Variants in RELN observed in about 807,000 individuals in gnomAD.
RELN encodes the protein reelin.
Under a neutral mutation model 427.6 loss-of-function variants are expected in RELN, and 108 were observed. The observed-to-expected ratio is 0.25, with a 90% CI of 0.22 to 0.30. The LOEUF (loss-of-function observed/expected upper bound fraction) is 0.30, where lower values mean the gene tolerates loss of function less well. Among genes scored for constraint, RELN ranks in the 10% least tolerant of loss-of-function variants. The probability of loss-of-function intolerance (pLI) is 1.00; values close to 1 mark genes in which losing one functional copy is unlikely to be tolerated. For missense variants in RELN, 3,715 were observed against 4,302.8 expected, an observed-to-expected ratio of 0.86 and a Z score of 3.82; for synonymous variants, 1,524 against 1,513.4, an observed-to-expected ratio of 1.01 and a Z score of -0.16.
At chr7:103,729,412 A>G (rs1296946673) in intron 6 of RELN, among the ~76,000 whole-genome samples, 1 of 152,212 alleles carries the variant, frequency 6.6e-6, no homozygotes, top group Non-Finnish European at 1.5e-5. Flanking sequence ...CAAAGAAATG[A>G]AAGTACTTCC....
At chr7:103,810,052 AC>A (rs1396189342) in intron 3 of RELN, among the ~76,000 whole-genome samples, 1 of 152,212 alleles carries the variant, frequency 6.6e-6, no homozygotes, top group African/African-American at 2.4e-5. Context: ...GAAAATCTCT[AC>A]TTTTAATAAA....
intron 2 of RELN, among the ~76,000 whole-genome samples, chr7:103,855,658 T>C (rs897362859): frequency 3.3e-5 from 5 of 152,210 alleles, no homozygotes; most frequent in African/African-American, 1.2e-4. Flanking sequence ...GTCTCACAGT[T>C]CTGGAGTCTA....
intron 3 of RELN, among the ~76,000 whole-genome samples, chr7:103,796,974 C>T (rs1304770455): frequency 6.6e-6 from 1 of 151,564 alleles, no homozygotes; most frequent in Non-Finnish European, 1.5e-5. Context: ...TGTGGTAAGA[C>T]CTGCCTGCCT....
In RELN at chr7:103,522,103, C is replaced by G. The variant is rs781330377; in HGVS notation, c.7587G>C (p.Gln2529His). The G allele has an allele frequency of 9.3e-6, 15 of 1,614,004 alleles. No homozygotes were observed. The highest frequency in any genetic ancestry group is 1.2e-5 in the Non-Finnish European group (14 of 1,180,028). The change falls in exon 48 of 65, where the codon CAG (glutamine) becomes CAC (histidine). Residue 2529 changes from glutamine (Q) to histidine (H), a missense_variant. By Grantham distance (24) the Gln-to-His change is conservative. This residue lies in a region of RELN where 1,310 missense variants were observed against 1,643.0 expected (regional missense o/e 0.80). Transcript: ENST00000428762. ...KDNFNRAPSS[Q>H]NWLTVNGGKL... ...TCCCTCCGTTCACAGTCAGCCAGTT[C>G]TGACTGGATGGAGCTCGATTGAAGT...
At chr7:103,684,861 G>C (rs1190411403) in intron 10 of RELN, among the ~76,000 whole-genome samples, 2 of 152,046 alleles carry the variant, frequency 1.3e-5, no homozygotes, top group Non-Finnish European at 2.9e-5. Context: ...GCCTAGCAAA[G>C]GTGATGGAAA....
chr7:103,790,877 G>A (rs1051627693), intron 3 of RELN, among the ~76,000 whole-genome samples: 9 of 152,034 alleles, frequency 5.9e-5, no homozygotes, highest in East Asian at 5.8e-4. Context: ...CAGAAGAATC[G>A]CTTGAATCTG....
intron 3 of RELN, among the ~76,000 whole-genome samples, chr7:103,829,826 G>A (rs1032723063): frequency 2.0e-5 from 3 of 152,044 alleles, no homozygotes; most frequent in Non-Finnish European, 2.9e-5. Context: ...CAGTTTAAAT[G>A]CTTCCTAATT....
At chr7:103,553,906 G>A in intron 38 of RELN, 75 bp from the exon 39 acceptor site, 1 of 1,311,878 alleles carries the variant, frequency 7.6e-7, no homozygotes, top group Non-Finnish European at 1.1e-6. Context: ...TTGAAAGAAA[G>A]CAAAGGACAA....
In RELN at chr7:103,483,775, G is replaced by A. The variant is rs201349789; in HGVS notation, c.10059C>T (p.His3353=). ...DSCNSDLSGP[H]AVDKAVLLQY... is the part of the protein sequence containing the mutation. ...GCAGCAGCACTGCCTTGTCCACAGC[G>A]TGGGGGCCACTCAGGTCACTGTTGC... is the stretch of plus-strand genomic sequence containing the variant. Residue 3353 remains histidine (H), a synonymous_variant, in exon 62 of 65, where the codon CAC becomes CAT. Coordinates refer to ENST00000428762, the MANE Select transcript of RELN (RefSeq NM_005045.4). 26 of 1,614,086 alleles carry A rather than the reference G, an allele frequency of 1.6e-5. No homozygotes were observed. Among genetic ancestry groups the A allele is most frequent in the Non-Finnish European group, 1.7e-5 (20 of 1,179,924 alleles).
At chr7:103,730,931 T>C (rs637872) in intron 6 of RELN, among the ~76,000 whole-genome samples, 92,685 of 151,854 alleles carry the variant, frequency 0.61, 29,716 homozygotes, top group African/African-American at 0.82. Context: ...ATTTAACAAA[T>C]TTAGGTTGAG....
chr7:103,578,915 T>G (rs1210372253), intron 28 of RELN, among the ~76,000 whole-genome samples: 3 of 152,256 alleles, frequency 2.0e-5, no homozygotes, highest in Non-Finnish European at 4.4e-5. Context: ...TAAGTAGCAC[T>G]GCATATATTC....
In RELN at chr7:103,557,093, A is replaced by C; in HGVS notation, c.5681T>G (p.Leu1894Arg). The C allele has an allele frequency of 2.5e-6, 4 of 1,613,686 alleles. No homozygotes were observed. Among genetic ancestry groups the C allele is most frequent in the Non-Finnish European group, 3.4e-6 (4 of 1,179,536 alleles). Reference sequence around the variant, plus strand: ...TTGAGGAAAGTAAAATTCATCCATCAGGTGCCAAGTGATTCCTCCACTGAT... The same window carrying C: ...TTGAGGAAAGTAAAATTCATCCATCCGGTGCCAAGTGATTCCTCCACTGAT... ...FSISGGITWH[L>R]MDEFYFPQTT... Residue 1894 changes from leucine (L) to arginine (R), a missense_variant, in exon 38 of 65, where the codon CTG becomes CGG. Leu to Arg is a moderately radical substitution (Grantham distance 102). Transcript: ENST00000428762.
At chr7:103,771,605 A>G (rs1791571251) in intron 4 of RELN, among the ~76,000 whole-genome samples, 1 of 151,860 alleles carries the variant, frequency 6.6e-6, no homozygotes, top group Non-Finnish European at 1.5e-5. Context: ...TCTTCCAAAC[A>G]CCTCTAACAT....
At chr7:103,879,346 T>C (rs889536675) in intron 2 of RELN, among the ~76,000 whole-genome samples, 3 of 152,186 alleles carry the variant, frequency 2.0e-5, no homozygotes, top group Non-Finnish European at 4.4e-5. Flanking sequence ...TCCCTCCTCT[T>C]ATGTTTTACA....
chr7:103,586,645 C>G (rs1831279733), intron 28 of RELN, among the ~76,000 whole-genome samples: 1 of 152,116 alleles, frequency 6.6e-6, no homozygotes, highest in Admixed American at 6.5e-5. Context: ...CCTAAAGACC[C>G]TTCCAAAAAA....
intron 31 of RELN, among the ~76,000 whole-genome samples, chr7:103,570,726 G>A (rs1177385782): frequency 6.6e-6 from 1 of 152,168 alleles, no homozygotes; most frequent in Non-Finnish European, 1.5e-5. Flanking sequence ...AATCTACGCA[G>A]CAGCCACCTT....
intron 3 of RELN, among the ~76,000 whole-genome samples, chr7:103,780,106 ACCT>A (rs1791849227): frequency 6.6e-6 from 1 of 152,114 alleles, no homozygotes; most frequent in Admixed American, 6.5e-5. Context: ...ATTTTAGTTA[ACCT>A]CCTTTTGGAC....
At chr7:103,843,146 T>G (rs1793594024) in intron 2 of RELN, among the ~76,000 whole-genome samples, 1 of 152,102 alleles carries the variant, frequency 6.6e-6, no homozygotes, top group Non-Finnish European at 1.5e-5. Context: ...GCACACAGTG[T>G]TGTACATGTT....
rs745693220 is a variant in RELN at position 103,636,353 on chromosome 7, T to G, written c.2185A>C (p.Ile729Leu). 5.6e-6 allele frequency: 9 copies of G among 1,613,768 alleles called. No individual in the cohort carries two copies. In the Admixed American group the frequency reaches 1.3e-4, roughly 24 times the overall value. ...RLSSYHNFYS[I>L]RGAEVSFGCG... is the part of the protein sequence containing the mutation. ...CCAAAGCTGACTTCAGCACCACGGA[T>G]AGAGTAAAAGTTATGGTAAGAGGAG... Residue 729 changes from isoleucine to leucine, a missense_variant, in exon 18 of 65, where the codon ATC becomes CTC. This residue lies in a region of RELN where 2,208 missense variants were observed against 2,361.7 expected (regional missense o/e 0.93). Coordinates refer to ENST00000428762, the MANE Select transcript of RELN (RefSeq NM_005045.4).
Sources: gnomAD v4.1 joint callset for allele counts (sites outside exome capture counted in the v4.1 genomes callset) on GRCh38, gnomAD v4.1.1 for gene constraint, gnomAD v4.1.1 regional missense constraint, MANE v1.5 for transcripts, NCBI Gene and HGNC (gene_info 2026-07-23, HGNC 2026-07-21) for gene names.